Variants in TAFA1 observed in about 807,000 individuals in gnomAD.
TAFA1 encodes chemokine-like protein TAFA-1.
Under a neutral mutation model 18.5 loss-of-function variants are expected in TAFA1, and 4 were observed. The ratio of observed to expected loss-of-function variants is 0.22; its 90% confidence interval spans 0.11 to 0.49. TAFA1 has a LOEUF of 0.49. Ranked by LOEUF, TAFA1 falls within the 20% of genes least tolerant of loss-of-function variation. The pLI is 0.98. For missense variants in TAFA1, 147 were observed against 169.0 expected (o/e 0.87, Z 0.72); for synonymous variants, 56 against 55.2 (o/e 1.01, Z -0.06).
intron 2 of TAFA1, among the ~76,000 whole-genome samples, chr3:68,173,469 T>C (rs780213475): frequency 4.6e-5 from 7 of 152,242 alleles, no homozygotes; most frequent in Admixed American, 2.0e-4. Context: ...TTTGACATTA[T>C]GTCTGATGAA....
At chr3:68,038,460 G>C (rs910451619) in intron 2 of TAFA1, among the ~76,000 whole-genome samples, 3 of 152,122 alleles carry the variant, frequency 2.0e-5, no homozygotes, top group Admixed American at 1.3e-4. Flanking sequence ...TGGACAGTAA[G>C]CTGTCTGAGG....
chr3:68,496,649 A>G (rs2072555308), intron 3 of TAFA1, among the ~76,000 whole-genome samples: 1 of 152,192 alleles, frequency 6.6e-6, no homozygotes, highest in Non-Finnish European at 1.5e-5. Context: ...TTTGAGTGAA[A>G]GATAACTGGA....
Position 68,383,004 on chromosome 3 carries a change from G to A in TAFA1, c.119-34276G>A, listed in dbSNP as rs147265615. On this transcript the variant is annotated intron_variant, in intron 2 of 4. Coordinates refer to ENST00000478136, the MANE Select transcript of TAFA1 (RefSeq NM_213609.4). Reference sequence around the variant, plus strand: ...GTGTTCCTGGTTTGGCTTTCAGCTTGACTATTGTTGATGTATAGGAATGCT... The same window carrying A: ...GTGTTCCTGGTTTGGCTTTCAGCTTAACTATTGTTGATGTATAGGAATGCT... 2.3e-4 allele frequency among the ~76,000 whole-genome samples: 35 copies of A among 152,192 alleles called. No individual in the cohort carries two copies. In the East Asian group the frequency reaches 6.6e-3, roughly 29 times the overall value.
intron 2 of TAFA1, among the ~76,000 whole-genome samples, chr3:68,155,134 G>T (rs533917594): frequency 6.6e-6 from 1 of 152,240 alleles, no homozygotes; most frequent in Admixed American, 6.5e-5. Context: ...ACTTGAATAA[G>T]TTGTATTACT....
At chr3:68,026,763 T>G (rs1704825600) in intron 2 of TAFA1, among the ~76,000 whole-genome samples, 1 of 152,202 alleles carries the variant, frequency 6.6e-6, no homozygotes, top group Non-Finnish European at 1.5e-5. Flanking sequence ...CACTTCTATG[T>G]ACCTTGTTTC....
intron 3 of TAFA1, among the ~76,000 whole-genome samples, chr3:68,521,856 G>GTTTTTT (rs57372768): frequency 0.17 from 11,656 of 70,554 alleles, 2,433 homozygotes; most frequent in African/African-American, 0.28. Flanking sequence ...GTTTTTTTCT[G>GTTTTTT]TTTTTTTTTT....
intron 2 of TAFA1, among the ~76,000 whole-genome samples, chr3:68,180,550 C>T (rs1267258641): frequency 1.3e-5 from 2 of 152,242 alleles, no homozygotes; most frequent in Admixed American, 1.3e-4. Flanking sequence ...TTTATGGTTT[C>T]TTTTGAAAAA....
chr3:68,415,125 G>T (rs1180501466), intron 2 of TAFA1, among the ~76,000 whole-genome samples: 1 of 152,150 alleles, frequency 6.6e-6, no homozygotes, highest in Non-Finnish European at 1.5e-5. Flanking sequence ...TGAACAAGTT[G>T]CAGCCTTCTT....
intron 3 of TAFA1, among the ~76,000 whole-genome samples, chr3:68,534,112 A>G (rs2073234021): frequency 6.6e-6 from 1 of 152,106 alleles, no homozygotes; most frequent in Non-Finnish European, 1.5e-5. Context: ...AGTGGAGACG[A>G]TTTGCATCTG....
intron 2 of TAFA1, among the ~76,000 whole-genome samples, chr3:68,222,360 G>A (rs934532088): frequency 1.3e-5 from 2 of 152,108 alleles, no homozygotes; most frequent in African/African-American, 4.8e-5. Context: ...AGAGTTAAAA[G>A]TAAGGAAATA....
chr3:68,160,946 C>T (rs945508182), intron 2 of TAFA1, among the ~76,000 whole-genome samples: 1 of 151,852 alleles, frequency 6.6e-6, no homozygotes, highest in Non-Finnish European at 1.5e-5. Context: ...GTGTAGATTT[C>T]AAGTGGGTCA....
At chr3:68,151,333 G>C (rs2065803774) in intron 2 of TAFA1, among the ~76,000 whole-genome samples, 1 of 152,100 alleles carries the variant, frequency 6.6e-6, no homozygotes, top group Non-Finnish European at 1.5e-5. Flanking sequence ...AGTGGCTTTA[G>C]GCAAGATTAT....
chr3:68,502,023 T>C (rs997267718), intron 3 of TAFA1, among the ~76,000 whole-genome samples: 4 of 152,154 alleles, frequency 2.6e-5, no homozygotes, highest in Non-Finnish European at 5.9e-5. Flanking sequence ...AACCCAATCA[T>C]TCAAGCTGGG....
intron 2 of TAFA1, among the ~76,000 whole-genome samples, chr3:68,365,104 C>A (rs1429287275): frequency 6.6e-6 from 1 of 152,146 alleles, no homozygotes; most frequent in East Asian, 1.9e-4. Context: ...TTTGTTGTAG[C>A]AGTTCATATA....
chr3:68,065,811 C>A (rs1431194395), intron 2 of TAFA1, among the ~76,000 whole-genome samples: 2 of 139,446 alleles, frequency 1.4e-5, no homozygotes, highest in Non-Finnish European at 3.1e-5. Flanking sequence ...ATCTATCTAT[C>A]TCTTTATTTT....
At chr3:68,120,974 G>A (rs2065391660) in intron 2 of TAFA1, among the ~76,000 whole-genome samples, 1 of 152,128 alleles carries the variant, frequency 6.6e-6, no homozygotes, top group African/African-American at 2.4e-5. Flanking sequence ...CTTCATACAT[G>A]ACTTAGATGG....
chr3:68,000,036 G>A (rs773800773), upstream of TAFA1, among the ~76,000 whole-genome samples: 5 of 152,058 alleles, frequency 3.3e-5, no homozygotes, highest in African/African-American at 7.2e-5. Flanking sequence ...CCATCTGCCC[G>A]CCTCGGCCTC....
At chr3:68,489,878 A>G (rs79661949) in intron 3 of TAFA1, among the ~76,000 whole-genome samples, 2 of 152,356 alleles carry the variant, frequency 1.3e-5, no homozygotes, top group East Asian at 3.9e-4. Flanking sequence ...AATGGCAAGT[A>G]CATATATTGT....
chr3:68,370,395 C>CAT (rs1168584727), intron 2 of TAFA1, among the ~76,000 whole-genome samples: 1 of 83,108 alleles, frequency 1.2e-5, no homozygotes, highest in African/African-American at 5.1e-5. Context: ...TATATACACA[C>CAT]ATATATATAC....
Sources: allele counts gnomAD v4.1 joint callset (sites outside exome capture counted in the v4.1 genomes callset), GRCh38; gene constraint gnomAD v4.1.1; transcripts MANE v1.5; gene names NCBI Gene and HGNC (gene_info 2026-07-23, HGNC 2026-07-21).